The following ASTN1 variants were observed in gnomAD, a reference collection of about 807,000 sequenced individuals.
The protein encoded by ASTN1 is astrotactin-1.
Under a neutral mutation model 140.7 loss-of-function variants are expected in ASTN1, and 41 were observed. The ratio of observed to expected loss-of-function variants is 0.29; its 90% confidence interval spans 0.23 to 0.38. ASTN1 has a LOEUF of 0.38. Ranked by LOEUF, ASTN1 falls within the 10% of genes least tolerant of loss-of-function variation. The probability of loss-of-function intolerance (pLI) is 1.00; values close to 1 mark genes in which losing one functional copy is unlikely to be tolerated. For missense variants in ASTN1, 1,479 were observed against 1,678.8 expected, an observed-to-expected ratio of 0.88 and a Z score of 2.08; for synonymous variants, 640 against 652.2, an observed-to-expected ratio of 0.98 and a Z score of 0.29.
chr1:177,117,655 A>G (rs1558107941), intron 1 of ASTN1, among the ~76,000 whole-genome samples: 1 of 152,172 alleles, frequency 6.6e-6, no homozygotes, highest in Non-Finnish European at 1.5e-5. Flanking sequence ...CATGGCATTC[A>G]ATATGTCCCA....
intron 1 of ASTN1, among the ~76,000 whole-genome samples, chr1:177,104,755 T>C (rs1680470968): frequency 6.6e-6 from 1 of 152,210 alleles, no homozygotes; most frequent in South Asian, 2.1e-4. Context: ...AAGGGACTTG[T>C]CTCAGCTCCG....
intron 2 of ASTN1, among the ~76,000 whole-genome samples, chr1:177,038,217 G>T (rs12568931): frequency 6.6e-6 from 1 of 152,184 alleles, no homozygotes; most frequent in African/African-American, 2.4e-5. Flanking sequence ...TCAGTGACAC[G>T]ACTTCAGCTA....
At chr1:176,964,432 T>C (rs1034820422) in intron 9 of ASTN1, among the ~76,000 whole-genome samples, 3 of 152,154 alleles carry the variant, frequency 2.0e-5, no homozygotes, top group East Asian at 3.9e-4. Flanking sequence ...GAATGATAGA[T>C]TGACAAAATG....
At chr1:177,131,911 T>C (rs1681962019) in intron 1 of ASTN1, among the ~76,000 whole-genome samples, 1 of 152,158 alleles carries the variant, frequency 6.6e-6, no homozygotes, top group African/African-American at 2.4e-5. Flanking sequence ...AATCAGCTTC[T>C]GTGGGAACTA....
intron 9 of ASTN1, among the ~76,000 whole-genome samples, chr1:176,964,319 A>C (rs987316055): frequency 6.6e-6 from 1 of 152,150 alleles, no homozygotes; most frequent in Non-Finnish European, 1.5e-5. Flanking sequence ...ATGCAGGACT[A>C]CTCACTTCCT....
At chr1:176,940,855 C>G (rs1671685716) in intron 14 of ASTN1, among the ~76,000 whole-genome samples, 1 of 152,162 alleles carries the variant, frequency 6.6e-6, no homozygotes, top group African/African-American at 2.4e-5. Context: ...GTTAAATAGA[C>G]TCGGGAATTG....
intron 1 of ASTN1, among the ~76,000 whole-genome samples, chr1:177,136,663 G>A (rs1038454930): frequency 6.6e-6 from 1 of 152,116 alleles, no homozygotes; most frequent in Admixed American, 6.5e-5. Flanking sequence ...TGTGGTTTTA[G>A]TCAGACCTTT....
intron 22 of ASTN1, among the ~76,000 whole-genome samples, chr1:176,865,638 T>C (rs1300727699): frequency 6.6e-6 from 1 of 152,316 alleles, no homozygotes; most frequent in East Asian, 1.9e-4. Flanking sequence ...TAAACACTAT[T>C]CTTTGCAGCA....
intron 19 of ASTN1, among the ~76,000 whole-genome samples, chr1:176,884,132 CA>C (rs2103027941): frequency 6.6e-6 from 1 of 152,262 alleles, no homozygotes; most frequent in African/African-American, 2.4e-5. Context: ...GCTCACCAGG[CA>C]AAAACTCTTA....
At chr1:177,103,665 C>G (rs1208094018) in intron 1 of ASTN1, among the ~76,000 whole-genome samples, 1 of 152,056 alleles carries the variant, frequency 6.6e-6, no homozygotes, top group Non-Finnish European at 1.5e-5. Context: ...TCTAAGGCTT[C>G]CATCTGGTGT....
chr1:177,099,142 A>G (rs2102125214), intron 1 of ASTN1, among the ~76,000 whole-genome samples: 1 of 152,330 alleles, frequency 6.6e-6, no homozygotes, highest in Admixed American at 6.5e-5. Context: ...AATCTCTTAT[A>G]CTGCTATAAT....
chr1:176,871,815 T>G (rs1255640661), intron 21 of ASTN1, among the ~76,000 whole-genome samples: 1 of 152,246 alleles, frequency 6.6e-6, no homozygotes, highest in East Asian at 1.9e-4. Flanking sequence ...GTTATAATTT[T>G]ACTCAATTGC....
At chr1:176,948,004 T>C (rs537569881) in intron 12 of ASTN1, among the ~76,000 whole-genome samples, 4 of 152,190 alleles carry the variant, frequency 2.6e-5, no homozygotes, top group Non-Finnish European at 5.9e-5. Flanking sequence ...AAGCTTCCAT[T>C]TATGGTATGA....
At chr1:176,969,426 A>G (rs1239876464) in intron 8 of ASTN1, among the ~76,000 whole-genome samples, 6 of 152,198 alleles carry the variant, frequency 3.9e-5, no homozygotes, top group Admixed American at 3.9e-4. Flanking sequence ...TTTGAGTCAG[A>G]TGAGCAACCT....
chr1:177,072,292 C>G (rs191317119), intron 1 of ASTN1, among the ~76,000 whole-genome samples: 11 of 152,320 alleles, frequency 7.2e-5, no homozygotes, highest in Admixed American at 1.3e-4. Flanking sequence ...CCTATTCACA[C>G]TAGTGTACAA....
At chr1:177,009,236 T>C (rs190987172) in intron 8 of ASTN1, among the ~76,000 whole-genome samples, 3 of 152,258 alleles carry the variant, frequency 2.0e-5, no homozygotes, top group East Asian at 1.9e-4. Flanking sequence ...AGGATTGATT[T>C]TGGATCTTTT....
chr1:177,135,725 A>G (rs1682164358), intron 1 of ASTN1, among the ~76,000 whole-genome samples: 1 of 152,200 alleles, frequency 6.6e-6, no homozygotes, highest in Admixed American at 6.5e-5. Flanking sequence ...CATTTGTGAT[A>G]CACAGGCTTG....
chr1:177,147,816 AAGTAGCAAGG>A (rs1278399382), intron 1 of ASTN1, among the ~76,000 whole-genome samples: 1 of 152,180 alleles, frequency 6.6e-6, no homozygotes, highest in Non-Finnish European at 1.5e-5. Flanking sequence ...TCATGCCAAA[AAGTAGCAAGG>A]AGTAGCTTGC....
intron 1 of ASTN1, among the ~76,000 whole-genome samples, chr1:177,134,338 G>A (rs926791176): frequency 2.6e-5 from 4 of 152,170 alleles, no homozygotes; most frequent in Non-Finnish European, 5.9e-5. Flanking sequence ...CATTGCACGG[G>A]TCTAATCAGC....
Sources: gnomAD v4.1 joint callset for allele counts (sites outside exome capture counted in the v4.1 genomes callset) on GRCh38, gnomAD v4.1.1 for gene constraint, MANE v1.5 for transcripts, NCBI Gene and HGNC (gene_info 2026-07-23, HGNC 2026-07-21) for gene names.